The following KCNMA1 variants were observed in gnomAD, a reference collection of about 807,000 sequenced individuals.
KCNMA1 encodes potassium calcium-activated channel subfamily M alpha 1.
KCNMA1 carries 29 observed loss-of-function variants against 140.0 expected under a neutral mutation model. The ratio of observed to expected loss-of-function variants is 0.21; its 90% CI spans 0.15 to 0.28. The LOEUF (loss-of-function observed/expected upper bound fraction) is 0.28, where lower values mean the gene tolerates loss of function less well. Among genes scored for constraint, KCNMA1 ranks in the 10% least tolerant of loss-of-function variants. The pLI is 1.00. For missense variants in KCNMA1, 880 were observed against 1,602.2 expected (o/e 0.55, Z 7.70); for synonymous variants, 612 against 611.9 (o/e 1.00, Z 0.00).
chr10:76,950,914 A>G (rs138037132), intron 21 of KCNMA1, among the ~76,000 whole-genome samples: 1 of 152,284 alleles, frequency 6.6e-6, no homozygotes, highest in East Asian at 1.9e-4. Context: ...CTCACATCAC[A>G]TATCCCCACT....
intron 7 of KCNMA1, among the ~76,000 whole-genome samples, chr10:77,110,606 C>G (rs1197752282): frequency 6.6e-6 from 1 of 152,168 alleles, no homozygotes. Flanking sequence ...GGAAATATCT[C>G]TAGGCCTTTT....
At chr10:77,126,735 C>CCCCCCCCCCCCCCCCA (rs1554849516) in intron 5 of KCNMA1, among the ~76,000 whole-genome samples, 1 of 144,008 alleles carries the variant, frequency 6.9e-6, no homozygotes, top group African/African-American at 2.5e-5. Flanking sequence ...ACCCCCCCCC[C>CCCCCCCCCCCCCCCCA]ACCACCACAC....
intron 2 of KCNMA1, chr10:77,372,850 T>C (rs1337936702): frequency 6.6e-6 from 1 of 151,790 alleles, no homozygotes. Flanking sequence ...TTAGCAGGGG[T>C]CAAGCAATGG....
chr10:77,294,802 C>T (rs11596489), intron 2 of KCNMA1, among the ~76,000 whole-genome samples: 36,462 of 151,856 alleles, frequency 0.24, 5,620 homozygotes, highest in Non-Finnish European at 0.35. Flanking sequence ...GCCTGTAATC[C>T]CCTCTACTTG....
At chr10:76,925,609 T>G (rs2057441607) in intron 23 of KCNMA1, among the ~76,000 whole-genome samples, 2 of 152,216 alleles carry the variant, frequency 1.3e-5, no homozygotes, top group African/African-American at 4.8e-5. Context: ...ATAGATTGAC[T>G]GAAAATGTAA....
intron 3 of KCNMA1, among the ~76,000 whole-genome samples, chr10:77,236,668 G>A (rs1220666040): frequency 6.6e-6 from 1 of 152,192 alleles, no homozygotes; most frequent in African/African-American, 2.4e-5. Context: ...CATTTATACA[G>A]TATACATACG....
chr10:77,215,760 C>G (rs984839665), intron 3 of KCNMA1, among the ~76,000 whole-genome samples: 1 of 152,008 alleles, frequency 6.6e-6, no homozygotes, highest in African/African-American at 2.4e-5. Context: ...GGAGGTGGAG[C>G]CTTTGGGAGA....
chr10:76,938,088 C>T (rs1454052319), intron 23 of KCNMA1, among the ~76,000 whole-genome samples: 1 of 137,078 alleles, frequency 7.3e-6, no homozygotes, highest in African/African-American at 2.7e-5. Flanking sequence ...TTTCCTCTAC[C>T]CTCTCTTTCT....
intron 3 of KCNMA1, among the ~76,000 whole-genome samples, chr10:77,208,194 C>A (rs7070015): frequency 6.6e-6 from 1 of 152,144 alleles, no homozygotes; most frequent in Non-Finnish European, 1.5e-5. Flanking sequence ...AATATTTGGG[C>A]TACAAACTTC....
intron 2 of KCNMA1, among the ~76,000 whole-genome samples, chr10:77,283,441 G>C (rs1471907902): frequency 6.6e-6 from 1 of 152,182 alleles, no homozygotes. Flanking sequence ...AGCTAACCAA[G>C]ATGGTGCCTG....
chr10:77,522,498 T>C (rs1275543036), intron 1 of KCNMA1, among the ~76,000 whole-genome samples: 1 of 152,222 alleles, frequency 6.6e-6, no homozygotes, highest in East Asian at 1.9e-4. Flanking sequence ...AGATGCTAAT[T>C]TAAACACACG....
intron 2 of KCNMA1, among the ~76,000 whole-genome samples, chr10:77,369,624 G>A (rs183935111): frequency 6.6e-6 from 1 of 152,152 alleles, no homozygotes; most frequent in African/African-American, 2.4e-5. Flanking sequence ...CTTCCTCTGA[G>A]GCCCCACCTA....
intron 5 of KCNMA1, among the ~76,000 whole-genome samples, chr10:77,154,323 A>G (rs2098458535): frequency 6.6e-6 from 1 of 152,140 alleles, no homozygotes; most frequent in Non-Finnish European, 1.5e-5. Context: ...GTAGTGTAAG[A>G]ATGGACTAAT....
At chr10:77,517,832 C>T (rs2051144775) in intron 1 of KCNMA1, among the ~76,000 whole-genome samples, 1 of 152,172 alleles carries the variant, frequency 6.6e-6, no homozygotes. Flanking sequence ...GTACTGCCTC[C>T]ATGCAACAGA....
chr10:77,093,225 G>GA (rs927517328), intron 9 of KCNMA1, among the ~76,000 whole-genome samples: 2 of 151,762 alleles, frequency 1.3e-5, no homozygotes, highest in South Asian at 2.1e-4. Flanking sequence ...AAAAAAGGAA[G>GA]AAAAAAAACC....
At chr10:77,519,829 CTTGT>C (rs1201185740) in intron 1 of KCNMA1, among the ~76,000 whole-genome samples, 3 of 152,258 alleles carry the variant, frequency 2.0e-5, no homozygotes, top group African/African-American at 7.2e-5. Flanking sequence ...AGAAAAGGGC[CTTGT>C]TTGAGGGTAT....
chr10:76,891,266 C>T (rs996673644), intron 26 of KCNMA1: 6 of 502,824 alleles, frequency 1.2e-5, no homozygotes, highest in Admixed American at 9.7e-5. Context: ...TGCTCATTCT[C>T]TCTGGGCCTC....
intron 2 of KCNMA1, among the ~76,000 whole-genome samples, chr10:77,391,835 C>T (rs1358687210): frequency 6.6e-6 from 1 of 151,782 alleles, no homozygotes; most frequent in Non-Finnish European, 1.5e-5. Context: ...ATGCACTCCC[C>T]TGCAACGACA....
chr10:77,353,990 G>A (rs2093212337), intron 2 of KCNMA1, among the ~76,000 whole-genome samples: 1 of 131,698 alleles, frequency 7.6e-6, no homozygotes, highest in Non-Finnish European at 1.6e-5. Context: ...GGTGGTGGGG[G>A]TGGAGGGGTG....
Sources: allele counts gnomAD v4.1 joint callset (sites outside exome capture counted in the v4.1 genomes callset), GRCh38; gene constraint gnomAD v4.1.1; transcripts MANE v1.5; gene names NCBI Gene and HGNC (gene_info 2026-07-23, HGNC 2026-07-21).